Variants in MARCHF1 observed in about 807,000 individuals in gnomAD.
MARCHF1 encodes the protein membrane associated ring-CH-type finger 1, also known as E3 ubiquitin-protein ligase MARCHF1.
MARCHF1 carries 40 observed loss-of-function variants against 54.2 expected under a neutral mutation model. The observed-to-expected ratio is 0.74, with a 90% CI of 0.57 to 0.96. The LOEUF (loss-of-function observed/expected upper bound fraction) is 0.96, where lower values mean the gene tolerates loss of function less well. Ranked by LOEUF, MARCHF1 falls within the 40% of genes least tolerant of loss-of-function variation. The pLI is 0.00. For synonymous variants in MARCHF1, 236 were observed against 236.3 expected (o/e 1.00, Z 0.01); for missense variants, 586 against 656.5 (o/e 0.89, Z 1.17).
intron 1 of MARCHF1, among the ~76,000 whole-genome samples, chr4:164,271,965 C>T (rs1174788642): frequency 6.6e-6 from 1 of 151,714 alleles, no homozygotes; most frequent in East Asian, 1.9e-4. Flanking sequence ...AGACATAGAA[C>T]AAGCAAAATG....
At chr4:164,033,544 T>A (rs1753927329) in intron 2 of MARCHF1, among the ~76,000 whole-genome samples, 1 of 152,036 alleles carries the variant, frequency 6.6e-6, no homozygotes. Context: ...AGGTCTAATA[T>A]CCAGAATTTA....
intron 1 of MARCHF1, among the ~76,000 whole-genome samples, chr4:164,200,739 G>T (rs888517901): frequency 1.3e-5 from 2 of 152,162 alleles, no homozygotes; most frequent in Non-Finnish European, 2.9e-5. Flanking sequence ...AGTAAAGAAA[G>T]AAATAAACAA....
At chr4:163,915,803 G>A (rs1159427608) in intron 3 of MARCHF1, among the ~76,000 whole-genome samples, 2 of 152,030 alleles carry the variant, frequency 1.3e-5, no homozygotes, top group Non-Finnish European at 2.9e-5. Flanking sequence ...AGCAGTCTTG[G>A]GACCCTTAAA....
At chr4:164,259,078 A>AT (rs1029046014) in intron 1 of MARCHF1, among the ~76,000 whole-genome samples, 3 of 152,150 alleles carry the variant, frequency 2.0e-5, no homozygotes, top group African/African-American at 7.2e-5. Context: ...TAAAACGAGT[A>AT]TTTTTTCAGT....
At chr4:163,820,936 G>T (rs1748675598) in intron 4 of MARCHF1, among the ~76,000 whole-genome samples, 2 of 151,936 alleles carry the variant, frequency 1.3e-5, no homozygotes, top group African/African-American at 4.8e-5. Flanking sequence ...CAAACATAAT[G>T]TAATCTTGCT....
rs1268481621 is a variant in MARCHF1 at position 163,803,729 on chromosome 4, C to T, written c.111+50292G>A. The stretch of plus-strand genomic sequence containing the variant: ...CTTTTGCATCTTTTGATTTCAATTC[C>T]ATGTGGATTTGGAGAGGAAAAAAAA... On this transcript the variant is annotated intron_variant, in intron 4 of 9. Coordinates refer to ENST00000514618, the MANE Select transcript of MARCHF1 (RefSeq NM_001394959.1). Among the ~76,000 whole-genome samples, 4 of 151,262 alleles carry T rather than the reference C, an allele frequency of 2.6e-5. No homozygotes were observed. In the East Asian group the frequency reaches 5.8e-4, roughly 22 times the overall value.
chr4:164,052,945 C>G (rs987467433), intron 2 of MARCHF1, among the ~76,000 whole-genome samples: 3 of 152,094 alleles, frequency 2.0e-5, no homozygotes, highest in African/African-American at 7.2e-5. Flanking sequence ...GTGTTTACAT[C>G]CAGATGGCTT....
At chr4:163,599,341 A>G (rs1579099464) in intron 7 of MARCHF1, among the ~76,000 whole-genome samples, 1 of 150,246 alleles carries the variant, frequency 6.7e-6, no homozygotes, top group African/African-American at 2.5e-5. Context: ...AACATTTAAA[A>G]TTAAGAACAA....
chr4:164,094,297 T>C (rs1423086739), intron 2 of MARCHF1, among the ~76,000 whole-genome samples: 1 of 152,048 alleles, frequency 6.6e-6, no homozygotes, highest in Non-Finnish European at 1.5e-5. Context: ...CCCAGGTTAG[T>C]GAAGGGAGGA....
At position 163,612,775 on chromosome 4, in the gene MARCHF1, T is replaced by C. The variant is rs2110930676; in HGVS notation, c.506A>G (p.His169Arg). The C allele has an allele frequency of 4.6e-6, 7 of 1,535,544 alleles. No homozygotes were observed. The highest frequency in any genetic ancestry group is 2.4e-5 in the East Asian group (1 of 40,884). ...GGCTCTTCTTTTTGCCTGAATCCAA[T>C]GACTCTCATCTGTGGAAGATGAATC... Reference protein sequence around the residue: ...SSDSSSTDESHWIQAKRRAQV... With the variant: ...SSDSSSTDESRWIQAKRRAQV... The change falls in exon 7 of 10, where the codon CAT (histidine) becomes CGT (arginine). Residue 169 changes from histidine (H) to arginine (R), a missense_variant. Physicochemically the swap from His to Arg is conservative, Grantham distance 29. This residue lies in a region of MARCHF1 where 387 missense variants were observed against 394.6 expected (regional missense o/e 0.98). Transcript: ENST00000514618.
At chr4:163,566,402 T>C (rs1222832012) in intron 8 of MARCHF1, among the ~76,000 whole-genome samples, 3 of 152,224 alleles carry the variant, frequency 2.0e-5, no homozygotes, top group African/African-American at 7.2e-5. Context: ...AACAACAAAG[T>C]TGCGAAGCAC....
intron 2 of MARCHF1, among the ~76,000 whole-genome samples, chr4:164,065,774 A>G (rs1754713206): frequency 6.6e-6 from 1 of 152,186 alleles, no homozygotes; most frequent in Non-Finnish European, 1.5e-5. Context: ...AGCCCCAGGC[A>G]AACCACTGGT....
chr4:163,934,029 T>C (rs577940145), intron 3 of MARCHF1, among the ~76,000 whole-genome samples: 45 of 152,328 alleles, frequency 3.0e-4, no homozygotes, highest in Admixed American at 4.6e-4. Flanking sequence ...CATTTCTTAA[T>C]ACACTGCAAA....
chr4:163,525,326 C>T lies in MARCHF1; in HGVS notation c.*3422G>A, dbSNP rs184144880. On this transcript the variant is annotated 3_prime_UTR_variant, in exon 10 of 10. Coordinates refer to ENST00000514618, the MANE Select transcript of MARCHF1 (RefSeq NM_001394959.1). The stretch of plus-strand genomic sequence containing the variant: ...AAAACAAGATAAAAAACCATGAGGT[C>T]GTCTGTCTGGGACTATAATCACGTG... 10 of 152,144 alleles carry T rather than the reference C, an allele frequency of 6.6e-5. No homozygotes were observed. The East Asian group carries it at 1.9e-3, about 29-fold the overall frequency. 9.4% of individuals were successfully genotyped at this position (152,144 alleles called of 1,614,324 possible).
chr4:163,662,567 C>G (rs566966248), intron 5 of MARCHF1, among the ~76,000 whole-genome samples: 2 of 152,010 alleles, frequency 1.3e-5, no homozygotes, highest in Non-Finnish European at 2.9e-5. Context: ...GTTGTCTCTA[C>G]TTGCTCTAAG....
chr4:163,690,946 G>A (rs1744427471), intron 5 of MARCHF1, among the ~76,000 whole-genome samples: 1 of 152,236 alleles, frequency 6.6e-6, no homozygotes, highest in Non-Finnish European at 1.5e-5. Flanking sequence ...AGCGCTGGCT[G>A]TGGGAAGCAC....
At chr4:163,694,709 T>C (rs1439549339) in intron 5 of MARCHF1, among the ~76,000 whole-genome samples, 1 of 152,168 alleles carries the variant, frequency 6.6e-6, no homozygotes, top group African/African-American at 2.4e-5. Context: ...ATTACCATTT[T>C]GAGTCTGGAA....
chr4:164,012,856 C>T (rs1436966206), intron 2 of MARCHF1, among the ~76,000 whole-genome samples: 3 of 151,880 alleles, frequency 2.0e-5, no homozygotes, highest in Non-Finnish European at 2.9e-5. Context: ...AAACAGTTGC[C>T]GTGACCACAG....
chr4:164,006,588 A>G (rs1292768614), intron 2 of MARCHF1, among the ~76,000 whole-genome samples: 2 of 152,168 alleles, frequency 1.3e-5, no homozygotes, highest in African/African-American at 4.8e-5. Flanking sequence ...AAACTATCCA[A>G]AAATTGAGAA....
Sources: allele counts gnomAD v4.1 joint callset (sites outside exome capture counted in the v4.1 genomes callset), GRCh38; gene constraint gnomAD v4.1.1; regional missense constraint gnomAD v4.1.1; transcripts MANE v1.5; gene names NCBI Gene and HGNC (gene_info 2026-07-23, HGNC 2026-07-21).